The following IGSF3 variants were observed in gnomAD, a reference collection of about 807,000 sequenced individuals.
The protein encoded by IGSF3 is glu-Trp-Ile EWI motif-containing protein 3.
A neutral mutation model predicts 114.4 loss-of-function variants in IGSF3; 23 were observed. The ratio of observed to expected loss-of-function variants is 0.20; its 90% CI spans 0.14 to 0.28. The LOEUF (loss-of-function observed/expected upper bound fraction) is 0.28. Ranked by LOEUF, IGSF3 falls within the 10% of genes least tolerant of loss-of-function variation. IGSF3 has a pLI of 1.00. For synonymous variants in IGSF3, 571 were observed against 645.2 expected (o/e 0.88, Z 1.74); for missense variants, 1,172 against 1,591.5 (o/e 0.74, Z 4.48).
At position 116,615,598 on chromosome 1, in the gene IGSF3, C is replaced by T. The variant is rs563239679; in HGVS notation, c.421+482G>A. ...AAGGGAGACAGCCAGTTCATAGTTC[C>T]TTACGCATGGAGCCAAAGGACCTTC... On this transcript the variant is annotated intron_variant, in intron 3 of 10. Coordinates refer to ENST00000369486, the MANE Select transcript of IGSF3 (RefSeq NM_001007237.3). The surrounding 1 kb of genome is among the most constrained non-coding windows in gnomAD (Gnocchi z 4.3). Among the ~76,000 whole-genome samples, 1 of 152,284 alleles carries T rather than the reference C, an allele frequency of 6.6e-6. No individual in the cohort carries two copies. Among genetic ancestry groups the T allele is most frequent in the Non-Finnish European group, 1.5e-5 (1 of 68,028 alleles).
Position 116,645,563 on chromosome 1 carries a change from T to C in IGSF3, c.43+20721A>G, listed in dbSNP as rs185619351. ...TAGGTTCCTTTTCCTTATCTAGAGC[T>C]CAAAGTAGTGGCCCATGCTGGCTAT... On this transcript the variant is annotated intron_variant, in intron 2 of 10. Coordinates refer to ENST00000369486, the MANE Select transcript of IGSF3 (RefSeq NM_001007237.3). Among the ~76,000 whole-genome samples the C allele has an allele frequency of 3.8e-3, 582 of 152,336 alleles. 5 individuals carry two copies. Among genetic ancestry groups the C allele is most frequent in the Non-Finnish European group, 6.1e-3 (413 of 68,028 alleles).
chr1:116,603,595 A>G lies in IGSF3; in HGVS notation c.1624+29T>C. Reference sequence around the variant, plus strand: ...GACACTGAAGCTGTCTCCATGCCAGACCCACTGCCAGTCCCACCGCTCACT... The same window carrying G: ...GACACTGAAGCTGTCTCCATGCCAGGCCCACTGCCAGTCCCACCGCTCACT... On this transcript the variant is annotated intron_variant, in intron 6 of 10. Coordinates refer to ENST00000369486, the MANE Select transcript of IGSF3 (RefSeq NM_001007237.3). This position sits in a 1 kb window ranked among gnomAD's most constrained non-coding sequence, Gnocchi z 7.1. The G allele has an allele frequency of 6.2e-7, 1 of 1,600,672 alleles. No homozygotes were observed. The highest frequency in any genetic ancestry group is 8.5e-7 in the Non-Finnish European group (1 of 1,171,582).
Position 116,610,438 on chromosome 1 carries a change from C to T in IGSF3, c.833-2107G>A, listed in dbSNP as rs144387610. ...ACACAAGATTTACCCACATCACCCC[C>T]GTTTCTGCCCTTGGTTATGCCCAGT... On this transcript the variant is annotated intron_variant, in intron 4 of 10. Transcript: ENST00000369486. This position sits in a 1 kb window ranked among gnomAD's most constrained non-coding sequence, Gnocchi z 4.3. Among the ~76,000 whole-genome samples the T allele has an allele frequency of 4.6e-5, 7 of 152,320 alleles. No homozygotes were observed. In the East Asian group the frequency reaches 9.6e-4, roughly 21 times the overall value.
rs570406262 is a variant in IGSF3 at position 116,644,742 on chromosome 1, C to T, written c.43+21542G>A. ...AAAGGACCTCCTCAGGAAACCTCCC[C>T]ACCAGCAACTGGCTCCAAATGGTCA... On this transcript the variant is annotated intron_variant, in intron 2 of 10. Transcript: ENST00000369486. This position sits in a 1 kb window ranked among gnomAD's most constrained non-coding sequence, Gnocchi z 5.6. Among the ~76,000 whole-genome samples the T allele has an allele frequency of 3.3e-5, 5 of 152,282 alleles. No individual in the cohort carries two copies. Among genetic ancestry groups the T allele is most frequent in the African/African-American group, 1.2e-4 (5 of 41,552 alleles).
rs1196990837 is a variant in IGSF3, at chr1:116,584,903, G to T, written c.2590C>A (p.Arg864=). ...CGGCTCAAGCGGGCCACAGTCTCCC[G>T]CTCAGGGTGGTTGGGCTTCCATACA... ...WFVWKPNHPE[R]ETVARLSRDA... The change falls in exon 9 of 11, where the codon CGG becomes AGG. Residue 864 remains arginine, a synonymous_variant. Transcript: ENST00000369486. The surrounding 1 kb of genome is among the most constrained non-coding windows in gnomAD (Gnocchi z 5.8). 4 of 1,614,170 alleles carry T rather than the reference G, an allele frequency of 2.5e-6. No individual in the cohort carries two copies. Among genetic ancestry groups the T allele is most frequent in the Non-Finnish European group, 2.5e-6 (3 of 1,180,000 alleles).
rs1649156904 is a variant in IGSF3, at chr1:116,662,457, T to C, written c.43+3827A>G. Among the ~76,000 whole-genome samples the C allele has an allele frequency of 6.6e-6, 1 of 152,216 alleles. No individual in the cohort carries two copies. Among genetic ancestry groups the C allele is most frequent in the African/African-American group, 2.4e-5 (1 of 41,454 alleles). On this transcript the variant is annotated intron_variant, in intron 2 of 10. Coordinates refer to ENST00000369486, the MANE Select transcript of IGSF3 (RefSeq NM_001007237.3). The surrounding 1 kb of genome is among the most constrained non-coding windows in gnomAD (Gnocchi z 4.3). Reference sequence around the variant, plus strand: ...AAGGTATCTATCTTACAGGGTTGTTTTGAAGACTGATTGATATAGTTGGGT... The same window carrying C: ...AAGGTATCTATCTTACAGGGTTGTTCTGAAGACTGATTGATATAGTTGGGT...
intron 2 of IGSF3, among the ~76,000 whole-genome samples, chr1:116,646,671 C>G (rs1263545649): frequency 2.6e-5 from 4 of 152,172 alleles, no homozygotes; most frequent in Non-Finnish European, 5.9e-5. Flanking sequence ...ACAAAGGCAG[C>G]TTAAGGGAAC....
At chr1:116,602,362 T>A (rs1277710659) in intron 6 of IGSF3, among the ~76,000 whole-genome samples, 2,198 of 145,202 alleles carry the variant, frequency 0.015, 58 homozygotes, top group African/African-American at 0.052. Context: ...CCAGGATGGT[T>A]AAAAAAAAAA....
At position 116,666,516 on chromosome 1, in the gene IGSF3, A is replaced by G. The variant is rs1195004445; in HGVS notation, c.-190T>C. The G allele has an allele frequency of 1.6e-6, 1 of 630,456 alleles. No homozygotes were observed. The highest frequency in any genetic ancestry group is 1.8e-5 in the African/African-American group (1 of 54,420). 39.1% of individuals were successfully genotyped at this position (630,456 alleles called of 1,614,324 possible). A position where few individuals can be genotyped will look rare whatever the true frequency, so the allele number is the denominator to read the frequency against. ...TGGGGGGAAGGGGAGGAGTGGAGGC[A>G]AGTGTGAAAACTCCCCTATGCTACA... On this transcript the variant is annotated 5_prime_UTR_variant, in exon 2 of 11. Transcript: ENST00000369486.
At chr1:116,590,407 C>T (rs1341229789) in intron 7 of IGSF3, among the ~76,000 whole-genome samples, 1 of 152,096 alleles carries the variant, frequency 6.6e-6, no homozygotes, top group Non-Finnish European at 1.5e-5. Flanking sequence ...CTAAGTTCCT[C>T]TTAGGGAACT....
At chr1:116,640,037 C>CAAAAAAAAAAAAAAAAAAAA (rs34003833) in intron 2 of IGSF3, among the ~76,000 whole-genome samples, 1 of 65,284 alleles carries the variant, frequency 1.5e-5, no homozygotes, top group Admixed American at 1.8e-4. Context: ...GACTCTATCT[C>CAAAAAAAAAAAAAAAAAAAA]AAAAAAAAAA....
At chr1:116,635,583 A>T (rs1192445471) in intron 2 of IGSF3, among the ~76,000 whole-genome samples, 1 of 151,970 alleles carries the variant, frequency 6.6e-6, no homozygotes, top group Non-Finnish European at 1.5e-5. Context: ...GGCAGACAGG[A>T]CTCTTTTTTG....
At position 116,666,337 on chromosome 1, in the gene IGSF3, T is replaced by C. The variant is rs180850177; in HGVS notation, c.-11A>G. The C allele has an allele frequency of 4.0e-4, 640 of 1,613,966 alleles. 3 individuals carry two copies. In the African/African-American group the frequency reaches 7.6e-3, roughly 19 times the overall value. On this transcript the variant is annotated 5_prime_UTR_variant, in exon 2 of 11. Transcript: ENST00000369486. ...GAAAAAGCACTTCATGTCGGCAGCC[T>C]CCAGGAGACACAACACAAGGCGCTT...
At chr1:116,580,476 T>C (rs1002124206) in intron 9 of IGSF3, among the ~76,000 whole-genome samples, 6 of 152,196 alleles carry the variant, frequency 3.9e-5, no homozygotes, top group Admixed American at 3.9e-4. Flanking sequence ...GTAATTAAAG[T>C]TAAATGAGGT....
Position 116,633,418 on chromosome 1 carries a change from T to A in IGSF3, c.44-16961A>T, listed in dbSNP as rs1334633130. Among the ~76,000 whole-genome samples, 1 of 152,254 alleles carries A rather than the reference T, an allele frequency of 6.6e-6. No individual in the cohort carries two copies. The highest frequency in any genetic ancestry group is 1.5e-5 in the Non-Finnish European group (1 of 68,040). On this transcript the variant is annotated intron_variant, in intron 2 of 10. Coordinates refer to ENST00000369486, the MANE Select transcript of IGSF3 (RefSeq NM_001007237.3). The surrounding 1 kb of genome is among the most constrained non-coding windows in gnomAD (Gnocchi z 4.3). ...GGCTGATTCCCTATAAGCAAAATTT[T>A]AAAATTTTTTTTAAAGAAGAAAAAC...
Position 116,614,167 on chromosome 1 carries a change from C to G in IGSF3, c.430G>C (p.Asp144His), listed in dbSNP as rs1407387456. ...GGCATGGCAGTGGTCTGCAGGGAGT[C>G]TGGGATCACTGCAACACAGAAATGT... is the stretch of plus-strand genomic sequence containing the variant. ...SAKMNLVVIP[D>H]SLQTTAMPQT... Residue 144 changes from aspartate (D) to histidine (H), a missense_variant, in exon 4 of 11, where the codon GAC becomes CAC. Asp to His is a moderately conservative substitution (Grantham distance 81, BLOSUM62 -1). Coordinates refer to ENST00000369486, the MANE Select transcript of IGSF3 (RefSeq NM_001007237.3). The surrounding 1 kb of genome is among the most constrained non-coding windows in gnomAD (Gnocchi z 4.5). The G allele has an allele frequency of 4.4e-6, 7 of 1,608,378 alleles. No homozygotes were observed. The highest frequency in any genetic ancestry group is 1.7e-5 in the Admixed American group (1 of 59,950).
chr1:116,611,863 A>AC (rs1369052450), intron 4 of IGSF3, among the ~76,000 whole-genome samples: 2 of 151,922 alleles, frequency 1.3e-5, no homozygotes, highest in African/African-American at 4.8e-5. Context: ...AAGTGCAGGG[A>AC]CCAGTGCTAG....
Position 116,616,021 on chromosome 1 carries a change from C to T in IGSF3, c.421+59G>A, listed in dbSNP as rs1310042620. On this transcript the variant is annotated intron_variant, in intron 3 of 10. Coordinates refer to ENST00000369486, the MANE Select transcript of IGSF3 (RefSeq NM_001007237.3). This position sits in a 1 kb window ranked among gnomAD's most constrained non-coding sequence, Gnocchi z 6.6. Reference sequence around the variant, plus strand: ...AAATGCATGGCATAAAGCAAAATTACGCTACTAAAGAACTGAGTCAGGCCA... The same window carrying T: ...AAATGCATGGCATAAAGCAAAATTATGCTACTAAAGAACTGAGTCAGGCCA... 3.4e-5 allele frequency: 50 copies of T among 1,472,506 alleles called. No individual in the cohort carries two copies. Among genetic ancestry groups the T allele is most frequent in the South Asian group, 2.0e-4 (14 of 71,710 alleles). The allele number at this position is 1,472,506 out of a possible 1,614,324, so 91.2% of individuals were successfully genotyped here.
Position 116,577,114 on chromosome 1 carries a change from G to A in IGSF3, c.*198C>T, listed in dbSNP as rs989548362. ...AATGGCAGGATCACAACATTTGCGC[G>A]CAAATAGCTAACCAACCAAGACTGC... On this transcript the variant is annotated 3_prime_UTR_variant, in exon 11 of 11. Transcript: ENST00000369486. This position sits in a 1 kb window ranked among gnomAD's most constrained non-coding sequence, Gnocchi z 5.7. 72 of 582,178 alleles carry A rather than the reference G, an allele frequency of 1.2e-4. No homozygotes were observed. In the Admixed American group the frequency reaches 1.2e-3, roughly 10 times the overall value. 36.1% of individuals were successfully genotyped at this position (582,178 alleles called of 1,614,324 possible). A position where few individuals can be genotyped will look rare whatever the true frequency, so the allele number is the denominator to read the frequency against.
Sources: gnomAD v4.1 joint callset for allele counts (sites outside exome capture counted in the v4.1 genomes callset) on GRCh38, gnomAD v4.1.1 for gene constraint, Gnocchi (gnomAD v3.1) non-coding constraint, MANE v1.5 for transcripts, NCBI Gene and HGNC (gene_info 2026-07-23, HGNC 2026-07-21) for gene names.